The following LIMD1 variants were observed in gnomAD, a reference collection of about 807,000 sequenced individuals.
LIMD1 encodes LIM domain containing 1, also known as LIM domain-containing protein 1.
Under a neutral mutation model 58.4 loss-of-function variants are expected in LIMD1, and 23 were observed. The observed-to-expected ratio is 0.39, with a 90% CI of 0.28 to 0.56. The LOEUF (loss-of-function observed/expected upper bound fraction) is 0.56. LIMD1 is among the 20% of genes least tolerant of loss of function. The pLI is 0.57. For synonymous variants in LIMD1, 334 were observed against 345.5 expected (o/e 0.97, Z 0.37); for missense variants, 838 against 855.5 (o/e 0.98, Z 0.25).
At chr3:45,609,816 A>G (rs575671608) in intron 1 of LIMD1, among the ~76,000 whole-genome samples, 122 of 152,038 alleles carry the variant, frequency 8.0e-4, no homozygotes, top group African/African-American at 2.5e-3. Context: ...GCTCCTTGGT[A>G]GTGGGGTTTT....
Position 45,637,405 on chromosome 3 carries a change from C to T in LIMD1, c.1510+1154C>T, listed in dbSNP as rs527805672. Reference sequence around the variant, plus strand: ...AAGCGATTCTTTTGCTACAGCCTCCCGAGTAGCTGGGACTACAGATGTGCA... The same window carrying T: ...AAGCGATTCTTTTGCTACAGCCTCCTGAGTAGCTGGGACTACAGATGTGCA... On this transcript the variant is annotated intron_variant, in intron 2 of 7. Transcript: ENST00000273317. 4.2e-3 allele frequency among the ~76,000 whole-genome samples: 646 copies of T among 152,196 alleles called. 2 individuals carry two copies. Among genetic ancestry groups the T allele is most frequent in the Middle Eastern group, 0.01 (3 of 294 alleles).
At position 45,643,553 on chromosome 3, in the gene LIMD1, T is replaced by G. The variant is rs189787847; in HGVS notation, c.1510+7302T>G. Among the ~76,000 whole-genome samples the G allele has an allele frequency of 1.8e-3, 275 of 151,990 alleles. 3 individuals carry two copies. The highest frequency in any genetic ancestry group is 7.5e-4 in the Non-Finnish European group (51 of 67,970). On this transcript the variant is annotated intron_variant, in intron 2 of 7. Transcript: ENST00000273317. ...GTCCTGTGTGCTCACTCCAGGCAGA[T>G]TGAGGTTTAAAAACTAAGACGTTCA...
intron 1 of LIMD1, among the ~76,000 whole-genome samples, chr3:45,605,767 G>C (rs1701462548): frequency 6.6e-6 from 1 of 152,204 alleles, no homozygotes; most frequent in Non-Finnish European, 1.5e-5. Flanking sequence ...CTTAGTGCAG[G>C]GGGCAGCTGG....
intron 4 of LIMD1, among the ~76,000 whole-genome samples, 196 bp downstream of exon 4, chr3:45,668,552 C>A (rs1234865023): frequency 3.3e-5 from 5 of 152,086 alleles, no homozygotes; most frequent in Admixed American, 6.5e-5. Flanking sequence ...AGTTTGAGAC[C>A]AACCAGCCTG....
At chr3:45,609,700 A>T (rs574714645) in intron 1 of LIMD1, among the ~76,000 whole-genome samples, 3 of 152,256 alleles carry the variant, frequency 2.0e-5, no homozygotes, top group Admixed American at 2.0e-4. Flanking sequence ...TCATTCATTC[A>T]GCAGCTATTA....
intron 2 of LIMD1, among the ~76,000 whole-genome samples, chr3:45,649,422 C>T (rs1325997998): frequency 6.6e-6 from 1 of 151,600 alleles, no homozygotes; most frequent in African/African-American, 2.4e-5. Context: ...TGGCTCACGC[C>T]TGTAATCCCA....
At chr3:45,613,581 T>C (rs1701546877) in intron 1 of LIMD1, among the ~76,000 whole-genome samples, 1 of 71,160 alleles carries the variant, frequency 1.4e-5, no homozygotes, top group South Asian at 6.0e-4. Flanking sequence ...CCTGTTGAGG[T>C]TTTTTTTTTT....
At chr3:45,618,106 A>G (rs919014122) in intron 1 of LIMD1, among the ~76,000 whole-genome samples, 1 of 152,134 alleles carries the variant, frequency 6.6e-6, no homozygotes, top group African/African-American at 2.4e-5. Context: ...TTGCCACTCC[A>G]GTCATCTCTG....
intron 2 of LIMD1, among the ~76,000 whole-genome samples, chr3:45,658,375 A>T (rs1697373057): frequency 2.6e-5 from 4 of 151,898 alleles, no homozygotes; most frequent in African/African-American, 9.7e-5. Flanking sequence ...GGGAATTCTC[A>T]GCTGTGGGAA....
chr3:45,633,467 A>C (rs1701756578), intron 1 of LIMD1, among the ~76,000 whole-genome samples: 1 of 152,200 alleles, frequency 6.6e-6, no homozygotes, highest in Admixed American at 6.5e-5. Flanking sequence ...GGGAGGCTGA[A>C]GTGTTTGGGG....
At position 45,644,070 on chromosome 3, in the gene LIMD1, G is replaced by A. The variant is rs188322227; in HGVS notation, c.1510+7819G>A. Among the ~76,000 whole-genome samples the A allele has an allele frequency of 3.2e-3, 491 of 152,312 alleles. 1 individual carries two copies. Among genetic ancestry groups the A allele is most frequent in the Middle Eastern group, 6.8e-3 (2 of 294 alleles). ...AATCTCACTTGTTGAGACCCAGTTG[G>A]AAGAAAGCCTTTCTTAGTAATAAAA... On this transcript the variant is annotated intron_variant, in intron 2 of 7. Coordinates refer to ENST00000273317, the MANE Select transcript of LIMD1 (RefSeq NM_014240.3).
intron 2 of LIMD1, among the ~76,000 whole-genome samples, chr3:45,637,952 G>A (rs942537408): frequency 6.6e-6 from 1 of 151,124 alleles, no homozygotes; most frequent in African/African-American, 2.4e-5. Context: ...TCTGGTTATC[G>A]AATTCTCTGG....
chr3:45,595,915 T>C lies in LIMD1; in HGVS notation c.1036T>C (p.Ser346Pro), dbSNP rs559231898. ...CCAGGATGGGCCCAAATCTTACCTT[T>C]CCAGTTCTGCCCCGTCATCCTCGCC... Reference protein sequence around the residue: ...WFQDGPKSYLSSSAPSSSPAG... With the variant: ...WFQDGPKSYLPSSAPSSSPAG... The change falls in exon 1 of 8, where the codon TCC (serine) becomes CCC (proline). Residue 346 changes from serine (S) to proline (P), a missense_variant. Coordinates refer to ENST00000273317, the MANE Select transcript of LIMD1 (RefSeq NM_014240.3). 3.7e-6 allele frequency: 6 copies of C among 1,614,210 alleles called. No homozygotes were observed. The South Asian group carries it at 5.5e-5, about 15-fold the overall frequency.
At chr3:45,623,803 G>C (rs1023455753) in intron 1 of LIMD1, among the ~76,000 whole-genome samples, 1 of 152,196 alleles carries the variant, frequency 6.6e-6, no homozygotes, top group African/African-American at 2.4e-5. Flanking sequence ...GTCCCTGGCT[G>C]TGCACTAGAG....
rs376871945 is a variant in LIMD1, at chr3:45,683,005, G to C, written c.*5946G>C. The stretch of plus-strand genomic sequence containing the variant: ...GCTGCCCATTCCTTGCCCCTTTTCC[G>C]CTTCTAGAGGCTGCCCATTTTCCTT... On this transcript the variant is annotated 3_prime_UTR_variant, in exon 8 of 8. Coordinates refer to ENST00000273317, the MANE Select transcript of LIMD1 (RefSeq NM_014240.3). The C allele has an allele frequency of 6.6e-6, 1 of 152,210 alleles. No individual in the cohort carries two copies. The highest frequency in any genetic ancestry group is 2.4e-5 in the African/African-American group (1 of 41,422). 9.4% of individuals were successfully genotyped at this position (152,210 alleles called of 1,614,324 possible). A position where few individuals can be genotyped will look rare whatever the true frequency, so the allele number is the denominator to read the frequency against.
chr3:45,677,178 C>A lies in LIMD1; in HGVS notation c.*119C>A. ...AAGAGGAGGGGCAGGAGGGAGAGTTCCTGTGAGCATGTGGGGGGTGCCTTT... is the reference window on the plus strand; with the variant it reads ...AAGAGGAGGGGCAGGAGGGAGAGTTACTGTGAGCATGTGGGGGGTGCCTTT... On this transcript the variant is annotated 3_prime_UTR_variant, in exon 8 of 8. Coordinates refer to ENST00000273317, the MANE Select transcript of LIMD1 (RefSeq NM_014240.3). The A allele has an allele frequency of 8.6e-7, 1 of 1,157,346 alleles. No individual in the cohort carries two copies. The highest frequency in any genetic ancestry group is 1.2e-6 in the Non-Finnish European group (1 of 810,334). The allele number at this position is 1,157,346 out of a possible 1,614,324, so 71.7% of individuals were successfully genotyped here.
chr3:45,595,187 C>T lies in LIMD1; in HGVS notation c.308C>T (p.Ala103Val). 1.2e-6 allele frequency: 2 copies of T among 1,603,218 alleles called. No homozygotes were observed. Among genetic ancestry groups the T allele is most frequent in the Non-Finnish European group, 8.5e-7 (1 of 1,174,782 alleles). The change falls in exon 1 of 8, where the codon GCC becomes GTC. Residue 103 changes from alanine to valine, a missense_variant. By Grantham distance (64) the Ala-to-Val change is moderately conservative. This residue lies in a region of LIMD1 where 659 missense variants were observed against 639.8 expected (regional missense o/e 1.03). Transcript: ENST00000273317. ...VGSKLTVDGA[A>V]KPPLAASTGA... The stretch of plus-strand genomic sequence containing the variant: ...AGCAAGCTGACTGTGGATGGTGCTG[C>T]CAAGCCTCCTCTTGCTGCCTCGACA...
intron 1 of LIMD1, among the ~76,000 whole-genome samples, chr3:45,605,198 A>G (rs370429211): frequency 6.6e-6 from 1 of 152,222 alleles, no homozygotes; most frequent in Admixed American, 6.5e-5. Context: ...ATTAGGTATA[A>G]CTAGATGCCT....
intron 1 of LIMD1, among the ~76,000 whole-genome samples, chr3:45,608,307 T>C (rs997017614): frequency 6.6e-6 from 1 of 152,192 alleles, no homozygotes; most frequent in Non-Finnish European, 1.5e-5. Context: ...GGTTGTTGGC[T>C]GGGAGAAGAC....
Sources: gnomAD v4.1 joint callset for allele counts (sites outside exome capture counted in the v4.1 genomes callset) on GRCh38, gnomAD v4.1.1 for gene constraint, gnomAD v4.1.1 regional missense constraint, MANE v1.5 for transcripts, NCBI Gene and HGNC (gene_info 2026-07-23, HGNC 2026-07-21) for gene names.